Variants in AUTS2 observed in about 807,000 individuals in gnomAD.
AUTS2 encodes activator of transcription and developmental regulator AUTS2.
A neutral mutation model predicts 112.4 loss-of-function variants in AUTS2; 17 were observed. The observed-to-expected ratio is 0.15, with a 90% CI of 0.10 to 0.23. The LOEUF is 0.23. AUTS2 is among the 10% of genes least tolerant of loss of function. The pLI, the probability that AUTS2 is intolerant of heterozygous loss-of-function variation, is 1.00. For missense variants in AUTS2, 1,510 were observed against 1,701.6 expected (o/e 0.89, Z 1.98); for synonymous variants, 751 against 702.7 (o/e 1.07, Z -1.09).
intron 5 of AUTS2, among the ~76,000 whole-genome samples, chr7:70,536,892 C>T (rs886939678): frequency 2.0e-5 from 3 of 152,006 alleles, no homozygotes; most frequent in African/African-American, 7.3e-5. Context: ...AAGAGTGAAA[C>T]TCTGTCTCAA....
At chr7:69,965,040 G>A (rs1797582631) in intron 2 of AUTS2, among the ~76,000 whole-genome samples, 1 of 151,948 alleles carries the variant, frequency 6.6e-6, no homozygotes, top group Non-Finnish European at 1.5e-5. Context: ...CTGCCCTCAT[G>A]AGCCTGTGTT....
At chr7:70,777,639 A>G (rs1181081154) in intron 14 of AUTS2, among the ~76,000 whole-genome samples, 1 of 152,218 alleles carries the variant, frequency 6.6e-6, no homozygotes, top group African/African-American at 2.4e-5. Context: ...CAGCCAGCTC[A>G]GAAATCTTAC....
chr7:69,730,926 T>C (rs1210980054), intron 1 of AUTS2, among the ~76,000 whole-genome samples: 1 of 152,210 alleles, frequency 6.6e-6, no homozygotes, highest in Non-Finnish European at 1.5e-5. Flanking sequence ...GAGTACTTGG[T>C]GAAGACTTTG....
At chr7:69,832,150 C>T (rs570331110) in intron 1 of AUTS2, among the ~76,000 whole-genome samples, 1 of 152,276 alleles carries the variant, frequency 6.6e-6, no homozygotes, top group East Asian at 1.9e-4. Context: ...CCCTGCTCCC[C>T]ATAGCAATGT....
intron 5 of AUTS2, among the ~76,000 whole-genome samples, chr7:70,487,982 G>A (rs1436908422): frequency 6.6e-6 from 1 of 152,210 alleles, no homozygotes; most frequent in African/African-American, 2.4e-5. Flanking sequence ...TCCGAAGGGA[G>A]AGCATCCTCA....
At chr7:69,708,455 C>T (rs544681618) in intron 1 of AUTS2, among the ~76,000 whole-genome samples, 21 of 152,260 alleles carry the variant, frequency 1.4e-4, no homozygotes, top group South Asian at 1.2e-3. Context: ...CTTTAGGGGA[C>T]TGGAGGTAGT....
At chr7:70,154,413 T>C (rs1029413351) in intron 4 of AUTS2, among the ~76,000 whole-genome samples, 2 of 152,164 alleles carry the variant, frequency 1.3e-5, no homozygotes, top group African/African-American at 4.8e-5. Flanking sequence ...ATTTAAAAGA[T>C]ACATTTTTAT....
chr7:69,770,689 C>A (rs1037249859), intron 1 of AUTS2, among the ~76,000 whole-genome samples: 2 of 152,094 alleles, frequency 1.3e-5, no homozygotes, highest in African/African-American at 4.8e-5. Flanking sequence ...CTTTATATAG[C>A]AAGGATTTCC....
intron 6 of AUTS2, among the ~76,000 whole-genome samples, chr7:70,731,453 A>T (rs1787386148): frequency 1.1e-5 from 1 of 93,644 alleles, no homozygotes; most frequent in Non-Finnish European, 2.0e-5. Context: ...TTTTTGAGAC[A>T]GAGTCTCGCT....
chr7:70,114,116 AT>A (rs1444710491), intron 2 of AUTS2, among the ~76,000 whole-genome samples: 1 of 152,214 alleles, frequency 6.6e-6, no homozygotes, highest in Non-Finnish European at 1.5e-5. Flanking sequence ...GCTGGCTTTC[AT>A]TTTGCATATT....
At chr7:70,536,556 A>G (rs1800325086) in intron 5 of AUTS2, among the ~76,000 whole-genome samples, 1 of 128,690 alleles carries the variant, frequency 7.8e-6, no homozygotes. Context: ...TTCTGCTGAT[A>G]TGCTAGAAGC....
chr7:70,293,963 C>A (rs1409168182), intron 4 of AUTS2: 2 of 152,158 alleles, frequency 1.3e-5, no homozygotes, highest in East Asian at 3.9e-4. Context: ...CCTAAAACTA[C>A]CCCACTGGGG....
chr7:70,046,396 G>T (rs1185057260), intron 2 of AUTS2, among the ~76,000 whole-genome samples: 1 of 152,134 alleles, frequency 6.6e-6, no homozygotes, highest in Non-Finnish European at 1.5e-5. Flanking sequence ...GCTAGGATTC[G>T]CACATACTAC....
intron 2 of AUTS2, among the ~76,000 whole-genome samples, chr7:69,992,202 A>G (rs755802927): frequency 3.3e-5 from 5 of 152,214 alleles, no homozygotes; most frequent in East Asian, 1.9e-4. Context: ...CCATATAACA[A>G]CTATAATTTA....
At chr7:69,994,100 A>C (rs571858966) in intron 2 of AUTS2, among the ~76,000 whole-genome samples, 5 of 151,328 alleles carry the variant, frequency 3.3e-5, no homozygotes, top group Non-Finnish European at 7.4e-5. Context: ...GGCATGGTGC[A>C]TGTGCCTGTT....
chr7:70,704,279 G>A (rs923991549), intron 6 of AUTS2, among the ~76,000 whole-genome samples: 5 of 152,338 alleles, frequency 3.3e-5, no homozygotes, highest in South Asian at 2.1e-4. Flanking sequence ...CCAGGCATTC[G>A]AAGTGATCTT....
intron 2 of AUTS2, among the ~76,000 whole-genome samples, chr7:69,962,043 C>T (rs1374157167): frequency 2.0e-5 from 3 of 152,066 alleles, no homozygotes; most frequent in Non-Finnish European, 4.4e-5. Context: ...CCTGATGATA[C>T]GTATGGCAAG....
intron 4 of AUTS2, among the ~76,000 whole-genome samples, chr7:70,249,513 A>G (rs561433264): frequency 1.3e-5 from 2 of 152,138 alleles, no homozygotes; most frequent in Non-Finnish European, 2.9e-5. Context: ...GTAGGTCAGC[A>G]AAGAGACCCT....
chr7:70,771,567 C>G lies in AUTS2; in HGVS notation c.1753C>G (p.Pro585Ala). ...GCCACAGCTCTTCCATTCCTATCCT[C>G]CTGCAGTGTCGGGCATCCCCCCTAT... ...YRHSLFHSYP[P>A]AVSGIPPMIP... The change falls in exon 11 of 19, where the codon CCT becomes GCT. Residue 585 changes from proline to alanine, a missense_variant. Around this residue, in one of 3 missense-constraint regions of AUTS2, gnomAD observed 187 missense variants for 309.7 expected, o/e 0.60. Coordinates refer to ENST00000342771, the MANE Select transcript of AUTS2 (RefSeq NM_015570.4). 2 of 1,612,996 alleles carry G rather than the reference C, an allele frequency of 1.2e-6. No homozygotes were observed. The highest frequency in any genetic ancestry group is 1.7e-6 in the Non-Finnish European group (2 of 1,179,230).
Sources: allele counts gnomAD v4.1 joint callset (sites outside exome capture counted in the v4.1 genomes callset), GRCh38; gene constraint gnomAD v4.1.1; regional missense constraint gnomAD v4.1.1; transcripts MANE v1.5; gene names NCBI Gene and HGNC (gene_info 2026-07-23, HGNC 2026-07-21).